The following SLC3A2 variants were observed in gnomAD, a reference collection of about 807,000 sequenced individuals.
SLC3A2 encodes solute carrier family 3 member 2.
Under a neutral mutation model 48.5 loss-of-function variants are expected in SLC3A2, and 32 were observed. The observed-to-expected ratio is 0.66, with a 90% confidence interval of 0.50 to 0.89. The LOEUF is 0.89. SLC3A2 is among the 40% of genes least tolerant of loss of function. The probability of loss-of-function intolerance (pLI) is 0.00; values close to 1 mark genes in which losing one functional copy is unlikely to be tolerated. For synonymous variants in SLC3A2, 277 were observed against 288.8 expected (o/e 0.96, Z 0.41); for missense variants, 587 against 680.7 (o/e 0.86, Z 1.53).
chr11:62,867,744 G>C (rs1033933232), intron 1 of SLC3A2, among the ~76,000 whole-genome samples: 1 of 151,772 alleles, frequency 6.6e-6, no homozygotes, highest in Non-Finnish European at 1.5e-5. Context: ...GCCTTTCAAA[G>C]TGCTGGGATT....
intron 1 of SLC3A2, among the ~76,000 whole-genome samples, chr11:62,856,623 C>T (rs1471401571): frequency 6.6e-6 from 1 of 152,118 alleles, no homozygotes; most frequent in East Asian, 1.9e-4. Flanking sequence ...ACCAAAATCC[C>T]AAGAGCTAGG....
chr11:62,884,460 G>A lies in SLC3A2; in HGVS notation c.694G>A (p.Ala232Thr). 1 of 1,614,216 alleles carries A rather than the reference G, an allele frequency of 6.2e-7. No individual in the cohort carries two copies. Among genetic ancestry groups the A allele is most frequent in the South Asian group, 1.1e-5 (1 of 91,086 alleles). ...TTTATTCTTCTGCCCCCTATAGGAT[G>A]CTCTGGAGTTTTGGCTGCAAGCTGG... is the stretch of plus-strand genomic sequence containing the variant. Reference protein sequence around the residue: ...VDTVATKVKDALEFWLQAGVD... With the variant: ...VDTVATKVKDTLEFWLQAGVD... Residue 232 changes from alanine (A) to threonine (T), a missense_variant, in exon 4 of 9, where the codon GCT (alanine) becomes ACT (threonine). By Grantham distance (58) the Ala-to-Thr change is moderately conservative. Coordinates refer to ENST00000338663, the MANE Select transcript of SLC3A2 (RefSeq NM_001013251.3).
intron 3 of SLC3A2, among the ~76,000 whole-genome samples, 168 bp downstream of exon 3, chr11:62,883,167 C>T (rs1190991513): frequency 2.0e-5 from 3 of 152,216 alleles, no homozygotes; most frequent in African/African-American, 7.2e-5. Flanking sequence ...AATAGCACAC[C>T]TGTTTTTCTT....
chr11:62,878,992 C>A (rs562636677), upstream of SLC3A2, among the ~76,000 whole-genome samples: 1 of 151,826 alleles, frequency 6.6e-6, no homozygotes, highest in African/African-American at 2.4e-5. Flanking sequence ...AGGCTGGTCA[C>A]GAACTCCTGA....
In SLC3A2 at chr11:62,884,524, A is replaced by C. The variant is rs1477372207; in HGVS notation, c.758A>C (p.Lys253Thr). The change falls in exon 4 of 9, where the codon AAG becomes ACG. Residue 253 changes from lysine to threonine, a missense_variant and splice_region_variant. Lys to Thr is a moderately conservative substitution (Grantham distance 78). Coordinates refer to ENST00000338663, the MANE Select transcript of SLC3A2 (RefSeq NM_001013251.3). ...CAGGTTCGGGACATAGAGAATCTGA[A>C]GGTGAGTTCCCTTTCCACATTAGGG... ...GFQVRDIENL[K>T]DASSFLAEWQ... 3.1e-6 allele frequency: 5 copies of C among 1,614,238 alleles called. No homozygotes were observed. The highest frequency in any genetic ancestry group is 3.4e-6 in the Non-Finnish European group (4 of 1,180,046).
chr11:62,862,756 A>G (rs989490680), intron 1 of SLC3A2, among the ~76,000 whole-genome samples: 1 of 152,088 alleles, frequency 6.6e-6, no homozygotes, highest in Admixed American at 6.6e-5. Context: ...TGACTGTCCT[A>G]CCTTACCAAA....
rs1436352274 is a variant in SLC3A2, at chr11:62,888,463, C to T, written c.1360C>T (p.Arg454Cys). 1.9e-6 allele frequency: 3 copies of T among 1,614,238 alleles called. No homozygotes were observed. Among genetic ancestry groups the T allele is most frequent in the Non-Finnish European group, 2.5e-6 (3 of 1,180,042 alleles). The change falls in exon 9 of 9, where the codon CGC becomes TGC. Residue 454 changes from arginine (R) to cysteine (C), a missense_variant. Physicochemically the swap from Arg to Cys is radical, Grantham distance 180 (BLOSUM62 -3). Around this residue, in one of 3 missense-constraint regions of SLC3A2, gnomAD observed 169 missense variants for 204.4 expected, o/e 0.83. Transcript: ENST00000338663. Reference protein sequence around the residue: ...SAGPGLFSYIRHWDQNERFLV... With the variant: ...SAGPGLFSYICHWDQNERFLV... ...TGGGCCTGGACTCTTCTCCTATATC[C>T]GCCACTGGGACCAGAATGAGCGTTT...
intron 7 of SLC3A2, chr11:62,887,731 A>G (rs962071662): frequency 6.4e-6 from 1 of 155,324 alleles, no homozygotes; most frequent in African/African-American, 2.4e-5. Flanking sequence ...TTAGCCAGAC[A>G]TGAGTTGGGG....
At position 62,881,077 on chromosome 11, in the gene SLC3A2, G is replaced by A. The variant is rs766278990; in HGVS notation, c.54G>A (p.Glu18=). ...DMKEVELNEL[E]PEKQPMNAAS... ...AGGAGGTGGAGCTGAATGAGTTAGA[G>A]CCCGAGAAGCAGCCGATGAACGCGG... The change falls in exon 1 of 9, where the codon GAG becomes GAA. Residue 18 remains glutamate, a synonymous_variant. Transcript: ENST00000338663. The surrounding 1 kb of genome is among the most constrained non-coding windows in gnomAD (Gnocchi z 4.0). The A allele has an allele frequency of 2.5e-6, 4 of 1,607,980 alleles. No homozygotes were observed. The highest frequency in any genetic ancestry group is 2.2e-5 in the East Asian group (1 of 44,762).
At position 62,888,118 on chromosome 11, in the gene SLC3A2, T is replaced by C. The variant is rs1293154586; in HGVS notation, c.1144-17T>C. Reference sequence around the variant, plus strand: ...GACCCCAGGCCTTTTTAAAGTCCTATTTTCTCTGCTTTTCAGCCTATGGAG... The same window carrying C: ...GACCCCAGGCCTTTTTAAAGTCCTACTTTCTCTGCTTTTCAGCCTATGGAG... On this transcript the variant is annotated splice_polypyrimidine_tract_variant and intron_variant, in intron 7 of 8. Transcript: ENST00000338663. The C allele has an allele frequency of 1.9e-6, 3 of 1,611,108 alleles. No individual in the cohort carries two copies. In the South Asian group the frequency reaches 3.3e-5, roughly 18 times the overall value.
chr11:62,886,177 C>T (rs2085710922), intron 7 of SLC3A2, among the ~76,000 whole-genome samples: 1 of 152,022 alleles, frequency 6.6e-6, no homozygotes, highest in Non-Finnish European at 1.5e-5. Flanking sequence ...GTAGTCCCAG[C>T]TACTGGGGAG....
intron 1 of SLC3A2, among the ~76,000 whole-genome samples, chr11:62,867,621 G>A (rs1015361881): frequency 1.6e-4 from 25 of 151,888 alleles, no homozygotes; most frequent in African/African-American, 5.3e-4. Flanking sequence ...ACCGTGCCCG[G>A]CTGCTTCCCT....
At chr11:62,887,979 A>G in intron 7 of SLC3A2, 156 bp from the exon 8 acceptor site, 1 of 622,690 alleles carries the variant, frequency 1.6e-6, no homozygotes. Context: ...ATTTTGTAGT[A>G]GAGATGAGGG....
chr11:62,883,526 T>A (rs1430152380), intron 3 of SLC3A2: 1 of 181,714 alleles, frequency 5.5e-6, no homozygotes. Context: ...GGGCTTTGAA[T>A]GTCACCTAGC....
At chr11:62,858,981 G>A (rs1420115385) in intron 1 of SLC3A2, among the ~76,000 whole-genome samples, 1 of 152,118 alleles carries the variant, frequency 6.6e-6, no homozygotes, top group Non-Finnish European at 1.5e-5. Flanking sequence ...CCAGGGACGG[G>A]CAGGAGACAG....
Position 62,856,252 on chromosome 11 carries a change from T to A in SLC3A2, c.-18T>A, listed in dbSNP as rs201599156. ...CCCTTGCCCACACACCCCAAACCTGTGTGCAGGATCCGCCTCCATGGAGCT... is the reference window on the plus strand; with the variant it reads ...CCCTTGCCCACACACCCCAAACCTGAGTGCAGGATCCGCCTCCATGGAGCT... On this transcript the variant is annotated 5_prime_UTR_variant, in exon 1 of 10. Coordinates refer to the SLC3A2 transcript ENST00000377889. 22 of 1,599,212 alleles carry A rather than the reference T, an allele frequency of 1.4e-5. No homozygotes were observed. The East Asian group carries it at 4.0e-4, about 29-fold the overall frequency.
At chr11:62,880,143 A>G (rs1373754370), upstream of SLC3A2, among the ~76,000 whole-genome samples, 3 of 152,136 alleles carry the variant, frequency 2.0e-5, no homozygotes, top group Non-Finnish European at 4.4e-5. Context: ...TCCAGGTGCT[A>G]GCAGCTGGGG....
intron 1 of SLC3A2, among the ~76,000 whole-genome samples, chr11:62,867,809 C>T (rs1355168208): frequency 6.6e-6 from 1 of 151,932 alleles, no homozygotes; most frequent in African/African-American, 2.4e-5. Context: ...ATGTTTTTGA[C>T]ACATTTTTGC....
rs144453006 is a variant in SLC3A2 at position 62,887,212 on chromosome 11, G to A, written c.1144-923G>A. ...TGATCAGTGCTATGCAAAAGAAGGCGGGGTAAGGAGCCTAGAGACTAGGGG... is the reference window on the plus strand; with the variant it reads ...TGATCAGTGCTATGCAAAAGAAGGCAGGGTAAGGAGCCTAGAGACTAGGGG... On this transcript the variant is annotated intron_variant, in intron 7 of 8. Coordinates refer to ENST00000338663, the MANE Select transcript of SLC3A2 (RefSeq NM_001013251.3). Among the ~76,000 whole-genome samples the A allele has an allele frequency of 3.0e-3, 452 of 152,194 alleles. 7 individuals are homozygous for A. The highest frequency in any genetic ancestry group is 0.01 in the African/African-American group (433 of 41,526).
Sources: gnomAD v4.1 joint callset for allele counts (sites outside exome capture counted in the v4.1 genomes callset) on GRCh38, gnomAD v4.1.1 for gene constraint, gnomAD v4.1.1 regional missense constraint, Gnocchi (gnomAD v3.1) non-coding constraint, MANE v1.5 for transcripts, NCBI Gene and HGNC (gene_info 2026-07-23, HGNC 2026-07-21) for gene names.